PAXIP1: variants seen among roughly 807,000 people sequenced by gnomAD.
PAXIP1 encodes PAX-interacting protein 1.
PAXIP1 carries 19 observed loss-of-function variants against 140.6 expected under a neutral mutation model. The observed-to-expected ratio is 0.14, with a 90% CI of 0.09 to 0.20. The LOEUF (loss-of-function observed/expected upper bound fraction) is 0.20. Among genes scored for constraint, PAXIP1 ranks in the 10% least tolerant of loss-of-function variants. The probability of loss-of-function intolerance (pLI) is 1.00; values close to 1 mark genes in which losing one functional copy is unlikely to be tolerated. For missense variants in PAXIP1, 920 were observed against 1,208.6 expected (o/e 0.76, Z 3.54); for synonymous variants, 442 against 444.6 (o/e 0.99, Z 0.07).
intron 16 of PAXIP1, chr7:154,950,180 G>GA (rs1489828524): frequency 1.3e-5 from 2 of 152,140 alleles, no homozygotes; most frequent in East Asian, 3.8e-4. Flanking sequence ...AACAGGTGGA[G>GA]AAAAGAGTGT....
chr7:154,975,349 A>G (rs899533180), intron 6 of PAXIP1, among the ~76,000 whole-genome samples: 9 of 152,184 alleles, frequency 5.9e-5, no homozygotes, highest in Admixed American at 6.5e-5. Flanking sequence ...CAGCTGGTAA[A>G]CTTCATTATT....
chr7:154,968,184 G>A (rs778604248), intron 7 of PAXIP1, among the ~76,000 whole-genome samples: 7 of 152,152 alleles, frequency 4.6e-5, no homozygotes, highest in Non-Finnish European at 7.4e-5. Context: ...GATGTTCTAC[G>A]GGACACCAAT....
rs1247657625 is a variant in PAXIP1 at position 154,973,415 on chromosome 7, G to C, written c.1074+2281C>G. Among the ~76,000 whole-genome samples the C allele has an allele frequency of 6.6e-6, 1 of 152,176 alleles. No individual in the cohort carries two copies. The highest frequency in any genetic ancestry group is 2.4e-5 in the African/African-American group (1 of 41,444). On this transcript the variant is annotated intron_variant, in intron 6 of 20. Transcript: ENST00000404141. This position sits in a 1 kb window ranked among gnomAD's most constrained non-coding sequence, Gnocchi z 4.0. ...TATCAGGCATCCACCTCTCAAGCCA[G>C]AAACCCAAAGTCTTCCCTATCTATG...
chr7:154,977,592 A>C (rs1809643406), intron 5 of PAXIP1, among the ~76,000 whole-genome samples: 1 of 152,198 alleles, frequency 6.6e-6, no homozygotes, highest in Non-Finnish European at 1.5e-5. Context: ...TTCTTTCTCA[A>C]ACCTTTTTAA....
At chr7:154,972,344 C>T (rs1809368521) in intron 6 of PAXIP1, among the ~76,000 whole-genome samples, 2 of 152,092 alleles carry the variant, frequency 1.3e-5, no homozygotes, top group African/African-American at 4.8e-5. Context: ...CAAACATTAG[C>T]CGGGCGTGGT....
rs537775613 is a variant in PAXIP1 at position 154,951,880 on chromosome 7, C to T, written c.2821+2375G>A. The T allele has an allele frequency of 2.6e-5, 4 of 152,262 alleles. No homozygotes were observed. The South Asian group carries it at 8.3e-4, about 32-fold the overall frequency. The allele number at this position is 152,262 out of a possible 1,614,324, so 9.4% of individuals were successfully genotyped here. ...AAAAGATCTCTAAAGCTGGGTGTTG[C>T]CCAAAAGCAGCCGATGGAGCCAACC... On this transcript the variant is annotated intron_variant, in intron 16 of 20. Coordinates refer to ENST00000404141, the MANE Select transcript of PAXIP1 (RefSeq NM_007349.4).
rs61752014 is a variant in PAXIP1 at position 154,975,924 on chromosome 7, A to G, written c.846T>C (p.Pro282=). The change falls in exon 6 of 21, where the codon CCT becomes CCC. Residue 282 remains proline (P), a synonymous_variant. Coordinates refer to ENST00000404141, the MANE Select transcript of PAXIP1 (RefSeq NM_007349.4). ...PQLAAAKRRL[P]QGKEPGLINL... The stretch of plus-strand genomic sequence containing the variant: ...TAATCAACCCAGGCTCCTTTCCCTG[A>G]GGCAGCCTGCGTTTTGCTGCAGCTA... 1 of 1,613,970 alleles carries G rather than the reference A, an allele frequency of 6.2e-7. No individual in the cohort carries two copies. Among genetic ancestry groups the G allele is most frequent in the Admixed American group, 1.7e-5 (1 of 60,012 alleles).
At chr7:154,985,431 GC>G (rs1402798225) in intron 4 of PAXIP1, among the ~76,000 whole-genome samples, 1 of 151,978 alleles carries the variant, frequency 6.6e-6, no homozygotes, top group Admixed American at 6.6e-5. Context: ...CATGAGCACT[GC>G]CCCCACGTGC....
chr7:154,966,876 C>T (rs919266229), intron 8 of PAXIP1, among the ~76,000 whole-genome samples: 1 of 152,238 alleles, frequency 6.6e-6, no homozygotes, highest in Admixed American at 6.5e-5. Flanking sequence ...ACCCCTGCCT[C>T]GTGGATCCCA....
At chr7:154,964,700 A>T (rs1250131460) in intron 8 of PAXIP1, 5 of 152,196 alleles carry the variant, frequency 3.3e-5, no homozygotes, top group African/African-American at 9.7e-5. Context: ...CGTTCCCCCC[A>T]ATAACACACA....
chr7:154,999,875 T>TAG (rs1261686333), intron 1 of PAXIP1, among the ~76,000 whole-genome samples: 1 of 151,638 alleles, frequency 6.6e-6, no homozygotes, highest in Non-Finnish European at 1.5e-5. Flanking sequence ...GGAGGGGAGC[T>TAG]AGAGAGCAGA....
At chr7:154,950,933 G>C (rs142338852) in intron 16 of PAXIP1, 1 of 152,408 alleles carries the variant, frequency 6.6e-6, no homozygotes, top group African/African-American at 2.4e-5. Flanking sequence ...CAAGACTATA[G>C]AAAGAATAAA....
In PAXIP1 at chr7:154,986,043, C is replaced by T; in HGVS notation, c.325-2711G>A. On this transcript the variant is annotated intron_variant, in intron 4 of 20. Coordinates refer to ENST00000404141, the MANE Select transcript of PAXIP1 (RefSeq NM_007349.4). This position sits in a 1 kb window ranked among gnomAD's most constrained non-coding sequence, Gnocchi z 4.8. ...CAGCACATTACAACAGAGGCCTCAG[C>T]CTGCATCAATACCGGGTCAGAAGAA... is the stretch of plus-strand genomic sequence containing the variant. The T allele has an allele frequency of 7.3e-7, 1 of 1,365,624 alleles. No homozygotes were observed. The highest frequency in any genetic ancestry group is 9.8e-7 in the Non-Finnish European group (1 of 1,021,508). 84.6% of individuals were successfully genotyped at this position (1,365,624 alleles called of 1,614,324 possible).
At chr7:154,970,637 C>A (rs547928713) in intron 6 of PAXIP1, among the ~76,000 whole-genome samples, 3 of 152,284 alleles carry the variant, frequency 2.0e-5, no homozygotes, top group East Asian at 3.9e-4. Flanking sequence ...CACAACATGC[C>A]ACCCCATGGA....
rs773178293 is a variant in PAXIP1, at chr7:154,968,353, T to C, written c.1798+50A>G. The C allele has an allele frequency of 4.8e-6, 7 of 1,450,608 alleles. No homozygotes were observed. In the Admixed American group the frequency reaches 9.4e-5, roughly 19 times the overall value. The allele number at this position is 1,450,608 out of a possible 1,614,324, so 89.9% of individuals were successfully genotyped here. A position where few individuals can be genotyped will look rare whatever the true frequency, so the allele number is the denominator to read the frequency against. ...CACTCAAACACTCTCAAAGCATTTA[T>C]GTGGGTACAAGACTTTTAGGAGAGA... On this transcript the variant is annotated intron_variant, in intron 7 of 20. Transcript: ENST00000404141.
Position 154,979,203 on chromosome 7 carries a change from G to T in PAXIP1, c.439-2872C>A, listed in dbSNP as rs1809731524. 2.0e-5 allele frequency among the ~76,000 whole-genome samples: 3 copies of T among 151,990 alleles called. No homozygotes were observed. The South Asian group carries it at 6.2e-4, about 32-fold the overall frequency. ...CTCACTAAGGGCTAAGGACCTCAAG[G>T]GTCAACCATGTCCCCTCTCCCCAAC... On this transcript the variant is annotated intron_variant, in intron 5 of 20. Coordinates refer to ENST00000404141, the MANE Select transcript of PAXIP1 (RefSeq NM_007349.4).
Position 154,993,709 on chromosome 7 carries a change from C to G in PAXIP1, c.260+17G>C, listed in dbSNP as rs1389044750. The G allele has an allele frequency of 9.5e-6, 15 of 1,580,536 alleles. No individual in the cohort carries two copies. In the South Asian group the frequency reaches 1.0e-4, roughly 11 times the overall value. Reference sequence around the variant, plus strand: ...GAGTTACCCTTTCCCTCCTCCCCCACTCAAAAAAAAGGATACGGCAGAAGA... The same window carrying G: ...GAGTTACCCTTTCCCTCCTCCCCCAGTCAAAAAAAAGGATACGGCAGAAGA... On this transcript the variant is annotated intron_variant, in intron 3 of 20. Coordinates refer to ENST00000404141, the MANE Select transcript of PAXIP1 (RefSeq NM_007349.4).
At chr7:154,993,917 T>A in intron 2 of PAXIP1, 148 bp from the exon 3 acceptor site, 1 of 626,898 alleles carries the variant, frequency 1.6e-6, no homozygotes, top group Non-Finnish European at 2.7e-6. Context: ...AATAGAAATA[T>A]TATAGTCAAA....
chr7:154,971,947 TTCTTCTCAC>T (rs1159181646), intron 6 of PAXIP1, among the ~76,000 whole-genome samples: 1 of 152,208 alleles, frequency 6.6e-6, no homozygotes, highest in Non-Finnish European at 1.5e-5. Flanking sequence ...ATCTCCGCAA[TTCTTCTCAC>T]TAGTGATCAA....
Sources: gnomAD v4.1 joint callset for allele counts (sites outside exome capture counted in the v4.1 genomes callset) on GRCh38, gnomAD v4.1.1 for gene constraint, Gnocchi (gnomAD v3.1) non-coding constraint, MANE v1.5 for transcripts, NCBI Gene and HGNC (gene_info 2026-07-23, HGNC 2026-07-21) for gene names.